Variants in PDE7B observed in about 807,000 individuals in gnomAD.
PDE7B encodes the protein phosphodiesterase 7B.
In PDE7B, 29 loss-of-function variants were observed where a neutral mutation model predicts 56.2. The observed-to-expected ratio is 0.52, with a 90% CI of 0.38 to 0.70. The LOEUF (loss-of-function observed/expected upper bound fraction) is 0.70. Ranked by LOEUF, PDE7B falls within the 30% of genes least tolerant of loss-of-function variation. The pLI is 0.00. For synonymous variants in PDE7B, 197 were observed against 196.9 expected (o/e 1.00, Z 0.00); for missense variants, 490 against 565.0 (o/e 0.87, Z 1.35).
At chr6:136,039,617 T>C (rs1260835182) in intron 2 of PDE7B, among the ~76,000 whole-genome samples, 2 of 152,188 alleles carry the variant, frequency 1.3e-5, no homozygotes, top group Non-Finnish European at 2.9e-5. Context: ...AAGTTAATAC[T>C]CTGGGAAAAG....
intron 1 of PDE7B, among the ~76,000 whole-genome samples, chr6:135,884,218 G>A (rs1247088970): frequency 1.3e-5 from 2 of 152,092 alleles, no homozygotes; most frequent in Non-Finnish European, 2.9e-5. Flanking sequence ...AATAATGGGT[G>A]AAATTAAATA....
chr6:135,921,129 C>T (rs1390513262), intron 1 of PDE7B, among the ~76,000 whole-genome samples: 1 of 152,108 alleles, frequency 6.6e-6, no homozygotes, highest in Non-Finnish European at 1.5e-5. Flanking sequence ...TAGTGCCACA[C>T]TTCTTTGAGT....
chr6:135,986,050 T>G (rs1775370746), intron 2 of PDE7B, among the ~76,000 whole-genome samples: 1 of 152,172 alleles, frequency 6.6e-6, no homozygotes, highest in Admixed American at 6.5e-5. Flanking sequence ...TAGAAGGCAC[T>G]CATATTGCTC....
chr6:136,147,589 C>G (rs1261988606), intron 4 of PDE7B, 87 bp downstream of exon 4: 2 of 1,128,230 alleles, frequency 1.8e-6, no homozygotes, highest in Admixed American at 1.9e-5. Flanking sequence ...GAGTCCTACT[C>G]TGCCTCTGAG....
At chr6:136,058,870 T>C (rs151023517) in intron 2 of PDE7B, among the ~76,000 whole-genome samples, 82 of 152,210 alleles carry the variant, frequency 5.4e-4, no homozygotes, top group African/African-American at 2.0e-3. Flanking sequence ...TTGAGGACAC[T>C]GATTTGGGGG....
At chr6:135,966,874 A>G (rs1046902924) in intron 2 of PDE7B, among the ~76,000 whole-genome samples, 1 of 152,194 alleles carries the variant, frequency 6.6e-6, no homozygotes, top group Non-Finnish European at 1.5e-5. Flanking sequence ...TTGGCCAGCA[A>G]TTATTGAGCA....
intron 3 of PDE7B, among the ~76,000 whole-genome samples, chr6:136,137,115 T>A (rs1778225512): frequency 6.6e-6 from 1 of 152,002 alleles, no homozygotes; most frequent in Non-Finnish European, 1.5e-5. Context: ...AACAGTTGGG[T>A]GTAGTGGTAC....
intron 1 of PDE7B, among the ~76,000 whole-genome samples, chr6:135,911,543 G>A (rs1776212532): frequency 6.6e-6 from 1 of 152,194 alleles, no homozygotes; most frequent in Non-Finnish European, 1.5e-5. Flanking sequence ...AGTTGACCCA[G>A]AAACATTCTG....
intron 1 of PDE7B, among the ~76,000 whole-genome samples, chr6:135,939,038 C>A (rs757902718): frequency 1.3e-5 from 2 of 152,186 alleles, no homozygotes; most frequent in African/African-American, 4.8e-5. Flanking sequence ...AGAAAGCATA[C>A]GCCATTGAGC....
intron 2 of PDE7B, among the ~76,000 whole-genome samples, chr6:135,984,364 C>T (rs1186731463): frequency 6.6e-6 from 1 of 152,160 alleles, no homozygotes; most frequent in Non-Finnish European, 1.5e-5. Context: ...CAGGCTAATG[C>T]TAACCTAGAA....
At chr6:136,085,766 C>T (rs998822472) in intron 2 of PDE7B, among the ~76,000 whole-genome samples, 14 of 152,154 alleles carry the variant, frequency 9.2e-5, no homozygotes, top group African/African-American at 1.2e-4. Flanking sequence ...CTTCCAATAC[C>T]GGGAAGTTAT....
intron 1 of PDE7B, among the ~76,000 whole-genome samples, chr6:135,863,676 TA>T (rs1335283453): frequency 6.7e-6 from 1 of 150,024 alleles, no homozygotes; most frequent in African/African-American, 2.5e-5. Flanking sequence ...TTTACCATAG[TA>T]AAACATCCCT....
intron 3 of PDE7B, among the ~76,000 whole-genome samples, chr6:136,124,065 T>C (rs1219261214): frequency 6.6e-6 from 1 of 152,166 alleles, no homozygotes; most frequent in Non-Finnish European, 1.5e-5. Flanking sequence ...TCACCCTTTG[T>C]TATGAGTTTT....
intron 1 of PDE7B, among the ~76,000 whole-genome samples, chr6:135,905,194 C>T (rs1198732507): frequency 1.3e-5 from 2 of 152,096 alleles, no homozygotes; most frequent in Admixed American, 6.5e-5. Flanking sequence ...CAACCAAGTG[C>T]CACTAACATA....
chr6:136,118,065 A>G (rs1288528991), intron 3 of PDE7B, among the ~76,000 whole-genome samples: 2 of 152,186 alleles, frequency 1.3e-5, no homozygotes, highest in African/African-American at 4.8e-5. Context: ...AATGAGATAA[A>G]TGTGTCCAGA....
At chr6:136,051,053 C>G (rs141554014) in intron 2 of PDE7B, among the ~76,000 whole-genome samples, 87 of 147,722 alleles carry the variant, frequency 5.9e-4, no homozygotes, top group African/African-American at 1.9e-3. Flanking sequence ...AGACCTTGTT[C>G]CATTAAAAAT....
intron 2 of PDE7B, among the ~76,000 whole-genome samples, chr6:136,038,696 G>C (rs1776368315): frequency 6.6e-6 from 1 of 152,192 alleles, no homozygotes; most frequent in South Asian, 2.1e-4. Flanking sequence ...TTGAAATTAA[G>C]AGTGATTTAG....
intron 2 of PDE7B, among the ~76,000 whole-genome samples, chr6:136,042,645 C>T (rs1776432456): frequency 1.3e-5 from 2 of 152,120 alleles, no homozygotes. Flanking sequence ...ATGCTCAGAC[C>T]TGAATATCAA....
chr6:135,878,400 T>C (rs911740652), intron 1 of PDE7B, among the ~76,000 whole-genome samples: 2 of 152,196 alleles, frequency 1.3e-5, no homozygotes, highest in Admixed American at 6.6e-5. Context: ...TAATACTAAA[T>C]ATGCCATCAC....
Sources: allele counts gnomAD v4.1 joint callset (sites outside exome capture counted in the v4.1 genomes callset), GRCh38; gene constraint gnomAD v4.1.1; transcripts MANE v1.5; gene names NCBI Gene and HGNC (gene_info 2026-07-23, HGNC 2026-07-21).